The following NR5A2 variants were observed in gnomAD, a reference collection of about 807,000 sequenced individuals.
NR5A2 encodes nuclear receptor subfamily 5 group A member 2.
NR5A2 carries 26 observed loss-of-function variants against 62.7 expected under a neutral mutation model. The ratio of observed to expected loss-of-function variants is 0.41; its 90% CI spans 0.30 to 0.58. The LOEUF (loss-of-function observed/expected upper bound fraction) is 0.58, where lower values mean the gene tolerates loss of function less well. Among genes scored for constraint, NR5A2 ranks in the 20% least tolerant of loss-of-function variants. NR5A2 has a pLI of 0.22. For missense variants in NR5A2, 541 were observed against 669.1 expected (o/e 0.81, Z 2.11); for synonymous variants, 246 against 241.7 (o/e 1.02, Z -0.16).
chr1:200,142,513 T>TTA (rs991772966), intron 7 of NR5A2, among the ~76,000 whole-genome samples: 7 of 150,670 alleles, frequency 4.6e-5, no homozygotes, highest in Admixed American at 2.0e-4. Context: ...TTCTTTTTTT[T>TTA]AAAAAAAAAT....
intron 5 of NR5A2, among the ~76,000 whole-genome samples, chr1:200,091,546 G>A (rs1381951314): frequency 4.0e-5 from 6 of 149,262 alleles, no homozygotes; most frequent in African/African-American, 7.4e-5. Flanking sequence ...GTGCAGTGGC[G>A]TGATCTCGGC....
At chr1:200,062,550 G>T (rs1663277504) in intron 5 of NR5A2, among the ~76,000 whole-genome samples, 1 of 152,178 alleles carries the variant, frequency 6.6e-6, no homozygotes, top group South Asian at 2.1e-4. Context: ...TAGTGTTTGT[G>T]CAGAAGTGTT....
Position 200,123,635 on chromosome 1 carries a change from C to T in NR5A2, c.1378+2680C>T, listed in dbSNP as rs565184375. ...CAGTGTTCTTAAGGCGACGGGGATG[C>T]GGTGAATAACTTAAGTCGATTTGCC... On this transcript the variant is annotated intron_variant, in intron 7 of 7. Transcript: ENST00000367362. Among the ~76,000 whole-genome samples the T allele has an allele frequency of 2.6e-3, 403 of 152,138 alleles. 1 individual carries two copies. Among genetic ancestry groups the T allele is most frequent in the African/African-American group, 9.4e-3 (389 of 41,506 alleles).
chr1:200,054,216 C>G (rs867710106), intron 5 of NR5A2: 1 of 152,332 alleles, frequency 6.6e-6, no homozygotes, highest in Middle Eastern at 3.4e-3. Flanking sequence ...ATAAAATTTT[C>G]TGATCTTTAA....
chr1:200,143,415 A>T (rs1343668301), intron 7 of NR5A2, among the ~76,000 whole-genome samples: 1 of 151,622 alleles, frequency 6.6e-6, no homozygotes, highest in Non-Finnish European at 1.5e-5. Flanking sequence ...GTAAATTAGG[A>T]TTAGTTTTGT....
At chr1:200,116,467 G>C (rs1477665250) in intron 6 of NR5A2, among the ~76,000 whole-genome samples, 1 of 152,062 alleles carries the variant, frequency 6.6e-6, no homozygotes, top group African/African-American at 2.4e-5. Context: ...AAGCCCAGTG[G>C]CTCACAAGTT....
In NR5A2 at chr1:200,120,810, G is replaced by A. The variant is rs1271842156; in HGVS notation, c.1233G>A (p.Val411=). ...AAAACTGTGATTCTGTATTGCAGGT[G>A]GACTATTCCATAATAGCATCACAAG... ...GSIFLVTGQQ[V]DYSIIASQAG... Residue 411 remains valine (V), a splice_region_variant and synonymous_variant, in exon 7 of 8, where the codon GTG becomes GTA. Transcript: ENST00000367362. 2 of 1,545,384 alleles carry A rather than the reference G, an allele frequency of 1.3e-6. No individual in the cohort carries two copies. Among genetic ancestry groups the A allele is most frequent in the Non-Finnish European group, 1.7e-6 (2 of 1,150,812 alleles).
At chr1:200,120,681 A>AC (rs372380160) in intron 6 of NR5A2, 127 bp from the exon 7 acceptor site, 52 of 952,486 alleles carry the variant, frequency 5.5e-5, no homozygotes, top group South Asian at 1.3e-4. Flanking sequence ...AAATAGTGAG[A>AC]CCCCACATCT....
chr1:200,058,880 T>A, intron 5 of NR5A2, among the ~76,000 whole-genome samples: 1 of 145,326 alleles, frequency 6.9e-6, no homozygotes, highest in Admixed American at 6.9e-5. Flanking sequence ...GAGGCCGAGG[T>A]GGGAGGATCA....
intron 7 of NR5A2, among the ~76,000 whole-genome samples, chr1:200,165,224 ACT>A (rs1653843506): frequency 6.6e-6 from 1 of 151,122 alleles, no homozygotes; most frequent in Non-Finnish European, 1.5e-5. Flanking sequence ...AGGTACAGAG[ACT>A]CCCCACATAA....
rs1386830325 is a variant in NR5A2 at position 200,039,171 on chromosome 1, C to T, written c.65-487C>T. On this transcript the variant is annotated intron_variant, in intron 1 of 7. Coordinates refer to ENST00000367362, the MANE Select transcript of NR5A2 (RefSeq NM_205860.3). This position sits in a 1 kb window ranked among gnomAD's most constrained non-coding sequence, Gnocchi z 5.1. Reference sequence around the variant, plus strand: ...GGCAGAGAGAGATAGGGGGAAGGGGCGGAGAGGAGGGGAGAGAGAAGGGAG... The same window carrying T: ...GGCAGAGAGAGATAGGGGGAAGGGGTGGAGAGGAGGGGAGAGAGAAGGGAG... 6.6e-6 allele frequency among the ~76,000 whole-genome samples: 1 copy of T among 151,872 alleles called. No individual in the cohort carries two copies. Among genetic ancestry groups the T allele is most frequent in the Non-Finnish European group, 1.5e-5 (1 of 67,954 alleles).
intron 7 of NR5A2, among the ~76,000 whole-genome samples, chr1:200,167,956 A>G (rs1222897014): frequency 6.6e-6 from 1 of 152,140 alleles, no homozygotes; most frequent in South Asian, 2.1e-4. Flanking sequence ...GCTTATCTGT[A>G]TCACATTAAT....
chr1:200,171,765 G>T (rs77657455), intron 7 of NR5A2, among the ~76,000 whole-genome samples: 1 of 152,114 alleles, frequency 6.6e-6, no homozygotes, highest in Non-Finnish European at 1.5e-5. Flanking sequence ...AAAAAAGAAA[G>T]AAGTTAACCA....
intron 7 of NR5A2, among the ~76,000 whole-genome samples, chr1:200,143,881 C>T (rs1037525884): frequency 6.6e-6 from 1 of 151,916 alleles, no homozygotes; most frequent in Non-Finnish European, 1.5e-5. Flanking sequence ...CCTCATGTTC[C>T]ACCCACCTTG....
intron 7 of NR5A2, among the ~76,000 whole-genome samples, chr1:200,173,170 A>G (rs1371117086): frequency 6.6e-6 from 1 of 152,204 alleles, no homozygotes; most frequent in Non-Finnish European, 1.5e-5. Flanking sequence ...AAACAACTGC[A>G]TAGTCATCAG....
chr1:200,096,216 T>C (rs1194306881), intron 5 of NR5A2, among the ~76,000 whole-genome samples: 2 of 152,090 alleles, frequency 1.3e-5, no homozygotes, highest in African/African-American at 2.4e-5. Flanking sequence ...GCCTCCTGAG[T>C]AGCCAGGACT....
intron 5 of NR5A2, among the ~76,000 whole-genome samples, chr1:200,097,944 T>C (rs919591603): frequency 6.6e-6 from 1 of 152,234 alleles, no homozygotes; most frequent in Non-Finnish European, 1.5e-5. Flanking sequence ...ATCTAGCTAA[T>C]GTGATTCTGA....
chr1:200,034,189 A>G (rs1486149473), intron 1 of NR5A2, among the ~76,000 whole-genome samples: 1 of 152,192 alleles, frequency 6.6e-6, no homozygotes, highest in Non-Finnish European at 1.5e-5. Context: ...CTAGTTTCAC[A>G]AGGTGCTTTG....
chr1:200,117,245 A>T (rs11586801), intron 6 of NR5A2, among the ~76,000 whole-genome samples: 1 of 152,252 alleles, frequency 6.6e-6, no homozygotes, highest in Non-Finnish European at 1.5e-5. Context: ...GCATTCAACA[A>T]TGAAAATATA....
Sources: gnomAD v4.1 joint callset for allele counts (sites outside exome capture counted in the v4.1 genomes callset) on GRCh38, gnomAD v4.1.1 for gene constraint, Gnocchi (gnomAD v3.1) non-coding constraint, MANE v1.5 for transcripts, NCBI Gene and HGNC (gene_info 2026-07-23, HGNC 2026-07-21) for gene names.